LNPEP: variants seen among roughly 807,000 people sequenced by gnomAD.
LNPEP encodes leucyl-cystinyl aminopeptidase.
A neutral mutation model predicts 120.6 loss-of-function variants in LNPEP; 64 were observed. The ratio of observed to expected loss-of-function variants is 0.53; its 90% CI spans 0.43 to 0.65. The LOEUF is 0.65. LNPEP is among the 30% of genes least tolerant of loss of function. LNPEP has a pLI of 0.00. For missense variants in LNPEP, 1,057 were observed against 1,200.0 expected, an observed-to-expected ratio of 0.88 and a Z score of 1.76; for synonymous variants, 435 against 425.4, an observed-to-expected ratio of 1.02 and a Z score of -0.28.
intron 8 of LNPEP, among the ~76,000 whole-genome samples, chr5:97,002,749 A>G (rs1349542012): frequency 1.3e-5 from 2 of 152,202 alleles, no homozygotes. Flanking sequence ...TGTGATTTCT[A>G]TTTCAAACCG....
intron 1 of LNPEP, among the ~76,000 whole-genome samples, chr5:96,957,289 A>G (rs1051948676): frequency 2.0e-5 from 3 of 152,200 alleles, no homozygotes; most frequent in African/African-American, 7.2e-5. Flanking sequence ...TTCAGACCTT[A>G]GTTCTGTTTC....
chr5:97,034,283 T>A lies in LNPEP; in HGVS notation c.*5750T>A, dbSNP rs923683467. The A allele has an allele frequency of 3.3e-5, 5 of 152,176 alleles. No homozygotes were observed. The highest frequency in any genetic ancestry group is 1.2e-4 in the African/African-American group (5 of 41,456). The allele number at this position is 152,176 out of a possible 1,614,324, so 9.4% of individuals were successfully genotyped here. On this transcript the variant is annotated 3_prime_UTR_variant, in exon 18 of 18. Transcript: ENST00000231368. Reference sequence around the variant, plus strand: ...TTGTGTGCCAAGGCCTTTCCATGGATACTTAGGTACGTAATGAAAATTGAG... The same window carrying A: ...TTGTGTGCCAAGGCCTTTCCATGGAAACTTAGGTACGTAATGAAAATTGAG...
intron 1 of LNPEP, among the ~76,000 whole-genome samples, chr5:96,954,772 A>ATATATTTTT (rs1275200137): frequency 3.7e-5 from 1 of 27,110 alleles, no homozygotes; most frequent in Non-Finnish European, 6.8e-5. Context: ...ATATATATAT[A>ATATATTTTT]TTTTTTTTTT....
At chr5:97,012,245 A>G (rs1353257452) in intron 11 of LNPEP, among the ~76,000 whole-genome samples, 1 of 152,206 alleles carries the variant, frequency 6.6e-6, no homozygotes, top group East Asian at 1.9e-4. Flanking sequence ...ATAAATGCAT[A>G]TAGATCTGCT....
chr5:96,954,770 A>ATTTT (rs1789417391), intron 1 of LNPEP, among the ~76,000 whole-genome samples: 4 of 29,486 alleles, frequency 1.4e-4, no homozygotes, highest in Non-Finnish European at 2.8e-4. Flanking sequence ...ATATATATAT[A>ATTTT]TATTTTTTTT....
chr5:97,023,545 T>C (rs79753192), intron 14 of LNPEP, among the ~76,000 whole-genome samples: 5,698 of 152,286 alleles, frequency 0.037, 185 homozygotes, highest in Middle Eastern at 0.11. Context: ...TGAGCCACCA[T>C]ACCTGGCTAA....
intron 12 of LNPEP, 69 bp downstream of exon 12, chr5:97,013,900 G>T: frequency 8.5e-7 from 1 of 1,169,912 alleles, no homozygotes; most frequent in Non-Finnish European, 1.2e-6. Flanking sequence ...GAACATATAT[G>T]AAAAACAGTT....
chr5:96,992,297 T>C (rs959202134), intron 4 of LNPEP, among the ~76,000 whole-genome samples: 1 of 152,114 alleles, frequency 6.6e-6, no homozygotes, highest in African/African-American at 2.4e-5. Context: ...TTTAGTTCTG[T>C]GTACAACTCA....
chr5:96,942,636 G>C (rs557504889), intron 1 of LNPEP, among the ~76,000 whole-genome samples: 62 of 131,034 alleles, frequency 4.7e-4, no homozygotes, highest in Non-Finnish European at 8.7e-4. Flanking sequence ...CCTGGTGACA[G>C]AGCGAGACTC....
intron 11 of LNPEP, among the ~76,000 whole-genome samples, chr5:97,007,361 G>A (rs1470928567): frequency 6.6e-6 from 1 of 152,064 alleles, no homozygotes; most frequent in African/African-American, 2.4e-5. Context: ...ATGATTTTAG[G>A]CGAGTTATGT....
At chr5:96,952,600 T>C (rs928716343) in intron 1 of LNPEP, among the ~76,000 whole-genome samples, 4 of 152,200 alleles carry the variant, frequency 2.6e-5, no homozygotes, top group Non-Finnish European at 5.9e-5. Flanking sequence ...CTGGCCACAT[T>C]ATCAGATGCC....
chr5:96,995,117 A>G (rs1182179326), intron 6 of LNPEP, among the ~76,000 whole-genome samples: 1 of 152,188 alleles, frequency 6.6e-6, no homozygotes, highest in Non-Finnish European at 1.5e-5. Context: ...AAAAAAAAAT[A>G]GGTCATATAG....
At position 97,008,816 on chromosome 5, in the gene LNPEP, C is replaced by T. The variant is rs544727130; in HGVS notation, c.2035+2301C>T. Among the ~76,000 whole-genome samples, 574 of 152,094 alleles carry T rather than the reference C, an allele frequency of 3.8e-3. 3 individuals carry two copies. In the Middle Eastern group the frequency reaches 0.054, roughly 14 times the overall value. On this transcript the variant is annotated intron_variant, in intron 11 of 17. Coordinates refer to ENST00000231368, the MANE Select transcript of LNPEP (RefSeq NM_005575.3). ...AGTAGCTGGGACTACAGGCGCCTGCCACCATGCCCGGCTAATTTTTTATAT... is the reference window on the plus strand; with the variant it reads ...AGTAGCTGGGACTACAGGCGCCTGCTACCATGCCCGGCTAATTTTTTATAT...
rs1393811154 is a variant in LNPEP, at chr5:96,985,299, T to C, written c.999+81T>C. On this transcript the variant is annotated intron_variant, in intron 3 of 17. Transcript: ENST00000231368. ...ACACTTAAATTCCTCTTTGCCAGACTACAGTTGAGAATGATTAAAATCATA... is the reference window on the plus strand; with the variant it reads ...ACACTTAAATTCCTCTTTGCCAGACCACAGTTGAGAATGATTAAAATCATA... 5 of 1,165,624 alleles carry C rather than the reference T, an allele frequency of 4.3e-6. No homozygotes were observed. The African/African-American group carries it at 6.2e-5, about 15-fold the overall frequency. The allele number at this position is 1,165,624 out of a possible 1,614,324, so 72.2% of individuals were successfully genotyped here. A position where few individuals can be genotyped will look rare whatever the true frequency, so the allele number is the denominator to read the frequency against.
chr5:97,027,754 C>A lies in LNPEP; in HGVS notation c.2886C>A (p.Thr962=), dbSNP rs761348396. The A allele has an allele frequency of 6.2e-7, 1 of 1,605,542 alleles. No homozygotes were observed. The part of the protein sequence containing the change: ...LVQKFPLGSY[T]IQNIVAGSTY... The stretch of plus-strand genomic sequence containing the variant: ...TCAGGTTCCCTCTGGGGTCCTATAC[C>A]ATACAAAATATTGTTGCTGGATCAA... Residue 962 remains threonine (T), a synonymous_variant, in exon 17 of 18, where the codon ACC becomes ACA. Transcript: ENST00000231368.
intron 1 of LNPEP, among the ~76,000 whole-genome samples, chr5:96,939,569 G>A (rs898009590): frequency 6.7e-6 from 1 of 149,120 alleles, no homozygotes; most frequent in African/African-American, 2.5e-5. Flanking sequence ...TTGGTATTTT[G>A]GCATTTTGAG....
At position 96,979,544 on chromosome 5, in the gene LNPEP, TAAAAA is replaced by T; in HGVS notation, c.430_434del (p.Lys144ProfsTer33). ...GTACCTTTACCAAAGAAGGCTGCCA[TAAAAA>T]AAACCAGTCAATTGGACTAATTCAG... On this transcript the variant is annotated frameshift_variant, in exon 2 of 18. Transcript: ENST00000231368. LOFTEE classifies it high-confidence loss of function. 1 of 1,613,678 alleles carries T rather than the reference TAAAAA, an allele frequency of 6.2e-7. No homozygotes were observed. Among genetic ancestry groups the T allele is most frequent in the South Asian group, 1.1e-5 (1 of 91,074 alleles).
intron 17 of LNPEP, 65 bp downstream of exon 17, chr5:97,027,879 C>T (rs1791385872): frequency 2.2e-6 from 2 of 928,140 alleles, no homozygotes; most frequent in Admixed American, 1.7e-5. Context: ...CCAGGCTGCT[C>T]AGTTTTAGTG....
At chr5:97,022,128 C>T (rs1374779996) in intron 13 of LNPEP, among the ~76,000 whole-genome samples, 172 bp from the exon 14 acceptor site, 2 of 151,510 alleles carry the variant, frequency 1.3e-5, no homozygotes, top group Non-Finnish European at 2.9e-5. Context: ...GTCGTTTCAC[C>T]GTGTTGGCCA....
Sources: gnomAD v4.1 joint callset for allele counts (sites outside exome capture counted in the v4.1 genomes callset) on GRCh38, gnomAD v4.1.1 for gene constraint, MANE v1.5 for transcripts, NCBI Gene and HGNC (gene_info 2026-07-23, HGNC 2026-07-21) for gene names.